ZNF391: variants seen among roughly 807,000 people sequenced by gnomAD.
The protein encoded by ZNF391 is zinc finger protein 391.
For missense variants in ZNF391, 375 were observed against 425.5 expected (o/e 0.88, Z 1.04); for synonymous variants, 126 against 142.1 (o/e 0.89, Z 0.80).
chr6:27,394,902 G>A (rs534779329), intron 1 of ZNF391: 4 of 152,334 alleles, frequency 2.6e-5, no homozygotes, highest in Admixed American at 2.0e-4. Context: ...TTTCAAGCTT[G>A]AATGGAGCCT....
intron 1 of ZNF391, among the ~76,000 whole-genome samples, chr6:27,381,675 C>A (rs1761511626): frequency 6.6e-6 from 1 of 152,116 alleles, no homozygotes; most frequent in Admixed American, 6.5e-5. Context: ...GAGGAGGAGG[C>A]TGCAGTGAGC....
chr6:27,377,368 A>C (rs748502461), intron 1 of ZNF391, among the ~76,000 whole-genome samples: 1 of 152,168 alleles, frequency 6.6e-6, no homozygotes, highest in Non-Finnish European at 1.5e-5. Flanking sequence ...TGAAAGGAAA[A>C]TATCTTGTGC....
intron 1 of ZNF391, chr6:27,389,522 ACTTG>A (rs1761656196): frequency 2.3e-6 from 1 of 435,480 alleles, no homozygotes; most frequent in African/African-American, 2.1e-5. Flanking sequence ...GAGATGAAGT[ACTTG>A]CTTGGCCGGG....
chr6:27,400,861 C>G lies in ZNF391; in HGVS notation c.491C>G (p.Pro164Arg), dbSNP rs758261205. ...CAAAGAACTCACACTGGAGAGAAACCTTATGAATGCAATGAATGTGGAAAA... is the reference window on the plus strand; with the variant it reads ...CAAAGAACTCACACTGGAGAGAAACGTTATGAATGCAATGAATGTGGAAAA... Reference protein sequence around the residue: ...EHQRTHTGEKPYECNECGKAF... With the variant: ...EHQRTHTGEKRYECNECGKAF... Residue 164 changes from proline (P) to arginine (R), a missense_variant, in exon 3 of 3, where the codon CCT becomes CGT. Physicochemically the swap from Pro to Arg is moderately radical, Grantham distance 103 (BLOSUM62 -2). Transcript: ENST00000244576. 6.2e-7 allele frequency: 1 copy of G among 1,614,168 alleles called. No homozygotes were observed. Among genetic ancestry groups the G allele is most frequent in the South Asian group, 1.1e-5 (1 of 91,088 alleles).
chr6:27,377,816 T>G (rs1761440479), intron 1 of ZNF391, among the ~76,000 whole-genome samples: 1 of 152,258 alleles, frequency 6.6e-6, no homozygotes, highest in South Asian at 2.1e-4. Context: ...GGGTTCGCAG[T>G]GTTTAATAGC....
chr6:27,378,815 G>A (rs937040334), intron 1 of ZNF391, among the ~76,000 whole-genome samples: 1 of 152,110 alleles, frequency 6.6e-6, no homozygotes, highest in African/African-American at 2.4e-5. Context: ...GGTGGCATGT[G>A]CCTATGGTCC....
At chr6:27,381,163 G>T (rs868046845) in intron 1 of ZNF391, among the ~76,000 whole-genome samples, 5 of 152,378 alleles carry the variant, frequency 3.3e-5, no homozygotes, top group Non-Finnish European at 5.9e-5. Context: ...GCCCACGGAG[G>T]GGGTGGGAGG....
chr6:27,382,130 G>T (rs112325220), intron 1 of ZNF391, among the ~76,000 whole-genome samples: 1,671 of 151,708 alleles, frequency 0.011, 40 homozygotes, highest in African/African-American at 0.038. Flanking sequence ...TCAGGAGTTC[G>T]AGAGGAACCT....
intron 1 of ZNF391, chr6:27,389,470 AT>A (rs1434689750): frequency 2.3e-6 from 1 of 443,070 alleles, no homozygotes; most frequent in Non-Finnish European, 4.5e-6. Flanking sequence ...GTAATGTACT[AT>A]TATTATGCCC....
At chr6:27,384,480 AAAAGAG>A (rs1484227748), upstream of ZNF391, among the ~76,000 whole-genome samples, 5 of 66,696 alleles carry the variant, frequency 7.5e-5, no homozygotes, top group African/African-American at 1.8e-4. Context: ...AAAAAAAAAA[AAAAGAG>A]AGAGAGAGAG....
chr6:27,400,474 A>T lies in ZNF391; in HGVS notation c.104A>T (p.Lys35Ile). Reference sequence around the variant, plus strand: ...CAAACAAAATGTCCTGCACAGAAGAAATCCTCTTTTGAGAACACAGTGGTC... The same window carrying T: ...CAAACAAAATGTCCTGCACAGAAGATATCCTCTTTTGAGAACACAGTGGTC... ...SRQTKCPAQK[K>I]SSFENTVVRK... is the part of the protein sequence containing the mutation. The change falls in exon 3 of 3, where the codon AAA becomes ATA. Residue 35 changes from lysine to isoleucine, a missense_variant. Physicochemically the swap from Lys to Ile is moderately radical, Grantham distance 102. Transcript: ENST00000244576. 2 of 1,614,220 alleles carry T rather than the reference A, an allele frequency of 1.2e-6. No homozygotes were observed. Among genetic ancestry groups the T allele is most frequent in the Non-Finnish European group, 1.7e-6 (2 of 1,180,042 alleles).
rs1762007180 is a variant in ZNF391 at position 27,402,946 on chromosome 6, A to G, written c.*1499A>G. On this transcript the variant is annotated 3_prime_UTR_variant, in exon 3 of 3. Transcript: ENST00000244576. ...TCACAAAGTACTGAGTAGACACTAAATGCTCTGTAATTATTGCTCACTGAT... is the reference window on the plus strand; with the variant it reads ...TCACAAAGTACTGAGTAGACACTAAGTGCTCTGTAATTATTGCTCACTGAT... 6.6e-6 allele frequency: 1 copy of G among 152,120 alleles called. No homozygotes were observed. The highest frequency in any genetic ancestry group is 1.5e-5 in the Non-Finnish European group (1 of 68,016). The allele number at this position is 152,120 out of a possible 1,614,324, so 9.4% of individuals were successfully genotyped here.
chr6:27,394,226 G>A (rs565812751), intron 1 of ZNF391, among the ~76,000 whole-genome samples: 1 of 152,236 alleles, frequency 6.6e-6, no homozygotes, highest in African/African-American at 2.4e-5. Flanking sequence ...AAGAGGCGAT[G>A]CCTCCCATCA....
chr6:27,396,943 C>T (rs1414659831), intron 1 of ZNF391, among the ~76,000 whole-genome samples: 3 of 152,092 alleles, frequency 2.0e-5, no homozygotes, highest in Admixed American at 2.0e-4. Flanking sequence ...TAGTACTATC[C>T]AATCATTGTG....
intron 1 of ZNF391, among the ~76,000 whole-genome samples, chr6:27,381,430 G>A (rs1395438901): frequency 2.6e-5 from 4 of 152,238 alleles, no homozygotes; most frequent in Non-Finnish European, 4.4e-5. Context: ...GTTCCCGCTC[G>A]CGCTTCTCCC....
intron 1 of ZNF391, among the ~76,000 whole-genome samples, chr6:27,382,081 C>T (rs1761518712): frequency 6.9e-6 from 1 of 145,216 alleles, no homozygotes; most frequent in South Asian, 2.2e-4. Context: ...GCCTGTAATC[C>T]CAGACTTTGG....
intron 1 of ZNF391, chr6:27,389,394 T>G (rs1761653022): frequency 2.2e-6 from 1 of 456,234 alleles, no homozygotes; most frequent in Non-Finnish European, 4.4e-6. Context: ...GCTTACTGAG[T>G]GCAGGCACTG....
exon 1 of ZNF391, chr6:27,375,119 G>C (rs1478676968): frequency 6.6e-6 from 1 of 152,326 alleles, no homozygotes; most frequent in Non-Finnish European, 1.5e-5. Flanking sequence ...CCACAGGCGA[G>C]TGCCTACCCA....
At chr6:27,385,746 A>G (rs1761575395), upstream of ZNF391, among the ~76,000 whole-genome samples, 1 of 152,224 alleles carries the variant, frequency 6.6e-6, no homozygotes, top group Non-Finnish European at 1.5e-5. Flanking sequence ...CAGTAAGGAT[A>G]TAGTTGAAAT....
Sources: allele counts gnomAD v4.1 joint callset (sites outside exome capture counted in the v4.1 genomes callset), GRCh38; gene constraint gnomAD v4.1.1; transcripts MANE v1.5; gene names NCBI Gene and HGNC (gene_info 2026-07-23, HGNC 2026-07-21).